Variants in DMWD observed in about 807,000 individuals in gnomAD.
The protein encoded by DMWD is DM1 locus, WD repeat containing, also known as dystrophia myotonica WD repeat-containing protein.
A neutral mutation model predicts 45.8 loss-of-function variants in DMWD; 19 were observed. The ratio of observed to expected loss-of-function variants is 0.41; its 90% CI spans 0.29 to 0.61. The LOEUF is 0.61. Among genes scored for constraint, DMWD ranks in the 20% least tolerant of loss-of-function variants. The pLI is 0.25. For missense variants in DMWD, 802 were observed against 965.2 expected, an observed-to-expected ratio of 0.83 and a Z score of 2.24; for synonymous variants, 515 against 440.5, an observed-to-expected ratio of 1.17 and a Z score of -2.12.
chr19:45,783,913 C>A lies in DMWD; in HGVS notation c.*330G>T. 1.9e-6 allele frequency: 1 copy of A among 535,274 alleles called. No homozygotes were observed. Among genetic ancestry groups the A allele is most frequent in the Non-Finnish European group, 3.3e-6 (1 of 306,688 alleles). The allele number at this position is 535,274 out of a possible 1,614,324, so 33.2% of individuals were successfully genotyped here. A position where few individuals can be genotyped will look rare whatever the true frequency, so the allele number is the denominator to read the frequency against. ...CTCAACTGAGGGGCACACTGCAGAC[C>A]TGGGGCTCTTGTGGCAGGGGCGGGG... is the stretch of plus-strand genomic sequence containing the variant. On this transcript the variant is annotated 3_prime_UTR_variant, in exon 5 of 5. Coordinates refer to ENST00000270223, the MANE Select transcript of DMWD (RefSeq NM_004943.2).
chr19:45,788,387 C>A (rs1249291809), intron 2 of DMWD, among the ~76,000 whole-genome samples: 1 of 152,226 alleles, frequency 6.6e-6, no homozygotes, highest in Non-Finnish European at 1.5e-5. Context: ...CCTGGGAGAA[C>A]TGAACAAATA....
chr19:45,792,602 G>A lies in DMWD; in HGVS notation c.155C>T (p.Thr52Ile). The A allele has an allele frequency of 1.5e-6, 2 of 1,314,412 alleles. No individual in the cohort carries two copies. The highest frequency in any genetic ancestry group is 1.7e-5 in the South Asian group (1 of 60,328). 81.4% of individuals were successfully genotyped at this position (1,314,412 alleles called of 1,614,324 possible). Residue 52 changes from threonine (T) to isoleucine (I), a missense_variant, in exon 1 of 5, where the codon ACT (threonine) becomes ATT (isoleucine). Thr to Ile is a moderately conservative substitution (Grantham distance 89). Coordinates refer to ENST00000270223, the MANE Select transcript of DMWD (RefSeq NM_004943.2). Reference sequence around the variant, plus strand: ...CTGCGGTGGCTGAGGCGGCACCGGAGTCTGGGCGGAAGCCGGACCCGACCT... The same window carrying A: ...CTGCGGTGGCTGAGGCGGCACCGGAATCTGGGCGGAAGCCGGACCCGACCT... ...ARRSGPASAQ[T>I]PVPPQPPQPP...
At chr19:45,788,907 C>A (rs924521480) in intron 2 of DMWD, among the ~76,000 whole-genome samples, 1 of 148,868 alleles carries the variant, frequency 6.7e-6, no homozygotes, top group Non-Finnish European at 1.5e-5. Flanking sequence ...CCAGCATGGA[C>A]GACAGAGTGA....
rs762430824 is a variant in DMWD at position 45,786,501 on chromosome 19, A to C, written c.995T>G (p.Val332Gly). 1 of 1,613,848 alleles carries C rather than the reference A, an allele frequency of 6.2e-7. No homozygotes were observed. Among genetic ancestry groups the C allele is most frequent in the Non-Finnish European group, 8.5e-7 (1 of 1,179,776 alleles). Reference protein sequence around the residue: ...MKSYFGGLLCVCWSPDGRYVV... With the variant: ...MKSYFGGLLCGCWSPDGRYVV... ...GTAGCGGCCGTCAGGGCTCCAGCAC[A>C]CACACAGCAGGCCCCCAAAGTAGCT... Residue 332 changes from valine (V) to glycine (G), a missense_variant, in exon 3 of 5, where the codon GTG (valine) becomes GGG (glycine). Around this residue, in one of 9 missense-constraint regions of DMWD, gnomAD observed 146 missense variants for 212.8 expected, o/e 0.69. Coordinates refer to ENST00000270223, the MANE Select transcript of DMWD (RefSeq NM_004943.2).
Position 45,786,063 on chromosome 19 carries a change from C to A in DMWD, c.1433G>T (p.Gly478Val), listed in dbSNP as rs773579119. Reference protein sequence around the residue: ...TTPPAASSSRGGEPGPGPLPR... With the variant: ...TTPPAASSSRVGEPGPGPLPR... ...CAGGGGGCCTGGGCCAGGCTCGCCA[C>A]CCCTCGAGCTGCTGGCGGCCGGTGG... is the stretch of plus-strand genomic sequence containing the variant. The change falls in exon 3 of 5, where the codon GGT becomes GTT. Residue 478 changes from glycine (G) to valine (V), a missense_variant. Gly to Val is a moderately radical substitution (Grantham distance 109). Coordinates refer to ENST00000270223, the MANE Select transcript of DMWD (RefSeq NM_004943.2). 1.1e-5 allele frequency: 17 copies of A among 1,524,718 alleles called. No homozygotes were observed. The East Asian group carries it at 1.4e-4, about 13-fold the overall frequency. The allele number at this position is 1,524,718 out of a possible 1,614,324, so 94.4% of individuals were successfully genotyped here. A position where few individuals can be genotyped will look rare whatever the true frequency, so the allele number is the denominator to read the frequency against.
At position 45,786,324 on chromosome 19, in the gene DMWD, C is replaced by A. The variant is rs1324219941; in HGVS notation, c.1172G>T (p.Gly391Val). ...TRAEEAATAA[G>V]ADGERSGEEE... ...TTCGCCGCTCCGCTCCCCATCAGCA[C>A]CGGCTGCTGTCGCCGCCTCCTCTGC... The change falls in exon 3 of 5, where the codon GGT becomes GTT. Residue 391 changes from glycine (G) to valine (V), a missense_variant. Physicochemically the swap from Gly to Val is moderately radical, Grantham distance 109. This residue lies in a region of DMWD where 67 missense variants were observed against 57.9 expected (regional missense o/e 1.16). Transcript: ENST00000270223. The A allele has an allele frequency of 6.2e-7, 1 of 1,606,732 alleles. No homozygotes were observed. Among genetic ancestry groups the A allele is most frequent in the East Asian group, 2.2e-5 (1 of 44,656 alleles).
rs1970368028 is a variant in DMWD at position 45,792,525 on chromosome 19, A to G, written c.232T>C (p.Ser78Pro). ...CCGGGGCCTGCGGGCGGCGGGGACG[A>G]CGCGGGGCCTGCAGCGCCGGGACCG... ...ASGPGAAGPASSPPPAGPGPG... is the reference protein window; with the variant it reads ...ASGPGAAGPAPSPPPAGPGPG... Residue 78 changes from serine (S) to proline (P), a missense_variant, in exon 1 of 5, where the codon TCG becomes CCG. Transcript: ENST00000270223. The G allele has an allele frequency of 1.8e-6, 2 of 1,137,480 alleles. No homozygotes were observed. The highest frequency in any genetic ancestry group is 3.3e-5 in the African/African-American group (2 of 60,338). The allele number at this position is 1,137,480 out of a possible 1,614,324, so 70.5% of individuals were successfully genotyped here. A position where few individuals can be genotyped will look rare whatever the true frequency, so the allele number is the denominator to read the frequency against.
intron 3 of DMWD, 114 bp downstream of exon 3, chr19:45,785,480 C>A: frequency 1.4e-6 from 2 of 1,400,578 alleles, no homozygotes; most frequent in Non-Finnish European, 1.9e-6. Context: ...GGCTTCCCCT[C>A]ACCCCACGGA....
At chr19:45,786,919 G>T in intron 2 of DMWD, 48 bp from the exon 3 acceptor site, 1 of 1,574,366 alleles carries the variant, frequency 6.4e-7, no homozygotes, top group Non-Finnish European at 8.6e-7. Context: ...TAAAACCCAG[G>T]CAGAACTTCT....
At position 45,792,649 on chromosome 19, in the gene DMWD, G is replaced by C; in HGVS notation, c.108C>G (p.Leu36=). 1 of 1,336,394 alleles carries C rather than the reference G, an allele frequency of 7.5e-7. No homozygotes were observed. Among genetic ancestry groups the C allele is most frequent in the Non-Finnish European group, 9.7e-7 (1 of 1,028,020 alleles). The allele number at this position is 1,336,394 out of a possible 1,614,324, so 82.8% of individuals were successfully genotyped here. ...FRTREGFYKL[L]PGDGAARRSG... is the part of the protein sequence containing the mutation. ...ACCTGCGAGCGGCGCCGTCGCCCGGGAGTAGCTTGTAGAAACCCTCGCGCG... is the reference window on the plus strand; with the variant it reads ...ACCTGCGAGCGGCGCCGTCGCCCGGCAGTAGCTTGTAGAAACCCTCGCGCG... Residue 36 remains leucine, a synonymous_variant, in exon 1 of 5, where the codon CTC becomes CTG. Coordinates refer to ENST00000270223, the MANE Select transcript of DMWD (RefSeq NM_004943.2).
At position 45,787,146 on chromosome 19, in the gene DMWD, C is replaced by G; in HGVS notation, c.625-275G>C. 3 of 554,406 alleles carry G rather than the reference C, an allele frequency of 5.4e-6. No individual in the cohort carries two copies. In the South Asian group the frequency reaches 6.1e-5, roughly 11 times the overall value. 34.3% of individuals were successfully genotyped at this position (554,406 alleles called of 1,614,324 possible). A position where few individuals can be genotyped will look rare whatever the true frequency, so the allele number is the denominator to read the frequency against. ...TCCCATCTTTGGCGAGGGGACAGTC[C>G]TGCTTGCCACAGAATTGTCCTGTAT... On this transcript the variant is annotated intron_variant, in intron 2 of 4. Coordinates refer to ENST00000270223, the MANE Select transcript of DMWD (RefSeq NM_004943.2).
Position 45,786,262 on chromosome 19 carries a change from A to T in DMWD, c.1234T>A (p.Ser412Thr). The part of the protein sequence containing the change: ...EEEPEAAGTG[S>T]AGGAPLSPLP... ...GGAGAGAGCGGGGCGCCCCCGGCCG[A>T]GCCTGTGCCCGCAGCCTCGGGCTCC... The change falls in exon 3 of 5, where the codon TCG becomes ACG. Residue 412 changes from serine to threonine, a missense_variant. By Grantham distance (58) the Ser-to-Thr change is moderately conservative. This residue lies in a region of DMWD where 67 missense variants were observed against 57.9 expected (regional missense o/e 1.16). Transcript: ENST00000270223. 1 of 1,606,624 alleles carries T rather than the reference A, an allele frequency of 6.2e-7. No individual in the cohort carries two copies.
At chr19:45,785,082 A>T (rs1200166269) in intron 3 of DMWD, among the ~76,000 whole-genome samples, 1 of 152,204 alleles carries the variant, frequency 6.6e-6, no homozygotes, top group African/African-American at 2.4e-5. Flanking sequence ...TGACTTGTCC[A>T]GGGTCACAGA....
Position 45,786,159 on chromosome 19 carries a change from G to A in DMWD, c.1337C>T (p.Thr446Ile). ...GGGGTGCGGGTAGAGCACGTCTTCA[G>A]TGAGGTCCCACAGGCAGAACTGCGT... ...QDTQFCLWDL[T>I]EDVLYPHPPL... Residue 446 changes from threonine (T) to isoleucine (I), a missense_variant, in exon 3 of 5, where the codon ACT (threonine) becomes ATT (isoleucine). Coordinates refer to ENST00000270223, the MANE Select transcript of DMWD (RefSeq NM_004943.2). 1 of 1,582,068 alleles carries A rather than the reference G, an allele frequency of 6.3e-7. No homozygotes were observed. Among genetic ancestry groups the A allele is most frequent in the Non-Finnish European group, 8.6e-7 (1 of 1,164,452 alleles).
chr19:45,784,578 A>T lies in DMWD; in HGVS notation c.1977+63T>A, dbSNP rs774609859. ...GGGTGGGAGGGGAGGGGGAAACTGG[A>T]GCTCCCTTCTAACTTGGGAGGGACC... On this transcript the variant is annotated intron_variant, in intron 4 of 4. Transcript: ENST00000270223. 1.3e-5 allele frequency: 21 copies of T among 1,612,834 alleles called. No homozygotes were observed. The Admixed American group carries it at 3.2e-4, about 24-fold the overall frequency.
chr19:45,784,668 G>C lies in DMWD; in HGVS notation c.1950C>G (p.Pro650=), dbSNP rs1234569748. Residue 650 remains proline (P), a synonymous_variant, in exon 4 of 5, where the codon CCC becomes CCG. Transcript: ENST00000270223. ...CTACCACTGACTTGCTGGGTGACCT[G>C]GGCCAACTTCCTTCCCCTGTCTGGG... ...TEAQTGEGSW[P]RSPSKSVVEG... 1 of 1,613,598 alleles carries C rather than the reference G, an allele frequency of 6.2e-7. No individual in the cohort carries two copies. The highest frequency in any genetic ancestry group is 8.5e-7 in the Non-Finnish European group (1 of 1,179,612).
chr19:45,790,697 G>A lies in DMWD; in HGVS notation c.624+208C>T, dbSNP rs574891129. 259 of 448,770 alleles carry A rather than the reference G, an allele frequency of 5.8e-4. 6 individuals are homozygous for A. The South Asian group carries it at 6.5e-3, about 11-fold the overall frequency. The allele number at this position is 448,770 out of a possible 1,614,324, so 27.8% of individuals were successfully genotyped here. On this transcript the variant is annotated intron_variant, in intron 2 of 4. Coordinates refer to ENST00000270223, the MANE Select transcript of DMWD (RefSeq NM_004943.2). Reference sequence around the variant, plus strand: ...AAGAAAGAAAGAAAGAAAACCCAAGGAGTAAAGTATTCAGCACAAGGGTAA... The same window carrying A: ...AAGAAAGAAAGAAAGAAAACCCAAGAAGTAAAGTATTCAGCACAAGGGTAA...
chr19:45,792,481 G>A lies in DMWD; in HGVS notation c.276C>T (p.Pro92=). Residue 92 remains proline, a synonymous_variant, in exon 1 of 5, where the codon CCC becomes CCT. Coordinates refer to ENST00000270223, the MANE Select transcript of DMWD (RefSeq NM_004943.2). ...PAGPGPGPAL[P]AVRLSLVRLG... ...GGCGCACGAGGCTGAGGCGCACGGC[G>A]GGCAGGGCGGGCCCGGGTCCGGGGC... is the stretch of plus-strand genomic sequence containing the variant. 8.2e-7 allele frequency: 1 copy of A among 1,222,382 alleles called. No homozygotes were observed. The highest frequency in any genetic ancestry group is 3.4e-5 in the South Asian group (1 of 29,170). 75.7% of individuals were successfully genotyped at this position (1,222,382 alleles called of 1,614,324 possible).
intron 2 of DMWD, among the ~76,000 whole-genome samples, chr19:45,788,218 G>T (rs551721011): frequency 6.6e-6 from 1 of 152,214 alleles, no homozygotes; most frequent in South Asian, 2.1e-4. Context: ...CCGCCACAGC[G>T]ATGCTCTGTG....
Sources: gnomAD v4.1 joint callset for allele counts (sites outside exome capture counted in the v4.1 genomes callset) on GRCh38, gnomAD v4.1.1 for gene constraint, gnomAD v4.1.1 regional missense constraint, MANE v1.5 for transcripts, NCBI Gene and HGNC (gene_info 2026-07-23, HGNC 2026-07-21) for gene names.